The following FUNDC2 variants were observed in gnomAD, a reference collection of about 807,000 sequenced individuals.
FUNDC2 encodes FUN14 domain-containing protein 2.
A neutral mutation model predicts 15.6 loss-of-function variants in FUNDC2; 4 were observed. The observed-to-expected ratio is 0.26, with a 90% CI of 0.13 to 0.59. The LOEUF (loss-of-function observed/expected upper bound fraction) is 0.59, where lower values mean the gene tolerates loss of function less well. Ranked by LOEUF, FUNDC2 falls within the 20% of genes least tolerant of loss-of-function variation. FUNDC2 has a pLI of 0.90. For missense variants in FUNDC2, 98 were observed against 149.7 expected (o/e 0.65, Z 1.80); for synonymous variants, 44 against 56.9 (o/e 0.77, Z 1.02).
intron 3 of FUNDC2, 97 bp from the exon 4 acceptor site, chrX:155,051,573 C>T (rs2073879718): frequency 2.1e-6 from 2 of 951,027 alleles, no homozygotes; most frequent in African/African-American, 3.9e-5. Flanking sequence ...AATGGAAAGT[C>T]AGAGGGTTTC....
At chrX:155,043,589 T>G (rs2073853977) in intron 2 of FUNDC2, among the ~76,000 whole-genome samples, 1 of 112,398 alleles carries the variant, frequency 8.9e-6, no homozygotes, top group Non-Finnish European at 1.9e-5. Flanking sequence ...TATTAGGCTT[T>G]ATTTAAAATG....
rs2124205285 is a variant in FUNDC2 at position 155,057,965 on chromosome X, G to T, written c.*3293G>T. On this transcript the variant is annotated 3_prime_UTR_variant, in exon 5 of 5. Coordinates refer to ENST00000369498, the MANE Select transcript of FUNDC2 (RefSeq NM_023934.4). ...TTGCTGACACGGGAGCTGGGTGCGG[G>T]GAGAGATGTGGTGGTGGGGACCCTT... 9.0e-6 allele frequency: 1 copy of T among 111,297 alleles called. No homozygotes were observed. Among genetic ancestry groups the T allele is most frequent in the African/African-American group, 3.3e-5 (1 of 30,542 alleles). The allele number at this position is 111,297 out of a possible 1,213,427, so 9.2% of individuals were successfully genotyped here.
chrX:155,056,848 G>GA lies in FUNDC2; in HGVS notation c.*2177dup, dbSNP rs2073901651. ...ATCTGTTTTTCCTGTGATTATTGGT[G>GA]AGGGCAGCAAAGATTAGCAGGTGGT... is the stretch of plus-strand genomic sequence containing the variant. On this transcript the variant is annotated 3_prime_UTR_variant, in exon 5 of 5. Transcript: ENST00000369498. 1.8e-5 allele frequency: 2 copies of GA among 111,872 alleles called. No individual in the cohort carries two copies. Among genetic ancestry groups the GA allele is most frequent in the Admixed American group, 1.9e-4 (2 of 10,554 alleles). The allele number at this position is 111,872 out of a possible 1,213,427, so 9.2% of individuals were successfully genotyped here.
chrX:155,045,841 T>C lies in FUNDC2; in HGVS notation c.285-668T>C, dbSNP rs1454129417. Among the ~76,000 whole-genome samples the C allele has an allele frequency of 1.1e-4, 12 of 111,483 alleles. No individual in the cohort carries two copies. The Admixed American group carries it at 1.1e-3, about 11-fold the overall frequency. Reference sequence around the variant, plus strand: ...ACAAAATCTCTGCCTTCATGAAGCTTACATTTTAGTATCGGGTGGGGGCAG... The same window carrying C: ...ACAAAATCTCTGCCTTCATGAAGCTCACATTTTAGTATCGGGTGGGGGCAG... On this transcript the variant is annotated intron_variant, in intron 2 of 4. Coordinates refer to ENST00000369498, the MANE Select transcript of FUNDC2 (RefSeq NM_023934.4).
intron 3 of FUNDC2, 41 bp from the exon 4 acceptor site, chrX:155,051,629 C>G: frequency 8.4e-7 from 1 of 1,190,458 alleles, no homozygotes; most frequent in Non-Finnish European, 1.1e-6. Context: ...AATAACAAAT[C>G]TGTTTCTCAT....
intron 2 of FUNDC2, among the ~76,000 whole-genome samples, chrX:155,034,840 A>G (rs923892275): frequency 3.6e-5 from 4 of 111,760 alleles, no homozygotes; most frequent in Non-Finnish European, 7.5e-5. Context: ...ACTTTTACGT[A>G]TGTTTGTTGA....
At chrX:155,053,769 G>T (rs2073885554) in intron 4 of FUNDC2, 8 of 733,282 alleles carry the variant, frequency 1.1e-5, no homozygotes, top group East Asian at 3.0e-4. Flanking sequence ...TTGAGTTCAA[G>T]AAATGATCAG....
In FUNDC2 at chrX:155,058,580, C is replaced by T. The variant is rs1484500382; in HGVS notation, c.*3908C>T. The T allele has an allele frequency of 9.1e-6, 1 of 109,960 alleles. No homozygotes were observed. Among genetic ancestry groups the T allele is most frequent in the Admixed American group, 9.7e-5 (1 of 10,298 alleles). The allele number at this position is 109,960 out of a possible 1,213,427, so 9.1% of individuals were successfully genotyped here. ...CAGAGAAAAATGTGGCTGCTGCCCT[C>T]TACTCCCTCTACCAAATTATCAGCT... On this transcript the variant is annotated 3_prime_UTR_variant, in exon 5 of 5. Coordinates refer to ENST00000369498, the MANE Select transcript of FUNDC2 (RefSeq NM_023934.4).
Position 155,033,430 on chromosome X carries a change from T to C in FUNDC2, c.161T>C (p.Leu54Pro), listed in dbSNP as rs782059425. 5 of 1,209,288 alleles carry C rather than the reference T, an allele frequency of 4.1e-6. No individual in the cohort carries two copies. The South Asian group carries it at 8.8e-5, about 21-fold the overall frequency. The change falls in exon 2 of 5, where the codon CTG becomes CCG. Residue 54 changes from leucine (L) to proline (P), a missense_variant. By Grantham distance (98) the Leu-to-Pro change is moderately conservative (BLOSUM62 -3). Transcript: ENST00000369498. ...QGNFEGNFES[L>P]DLAEFAKKQP... ...AACTTTGAGGGAAATTTTGAGTCACTGGACCTTGCGGAATTTGCTAAGAAG... is the reference window on the plus strand; with the variant it reads ...AACTTTGAGGGAAATTTTGAGTCACCGGACCTTGCGGAATTTGCTAAGAAG...
chrX:155,054,835 G>A lies in FUNDC2; in HGVS notation c.*163G>A, dbSNP rs2073889207. The stretch of plus-strand genomic sequence containing the variant: ...GCATCTGCTGGTACAAGTCAATGTG[G>A]CACCATGAGCTTCATGGTGGCAGAA... On this transcript the variant is annotated 3_prime_UTR_variant, in exon 5 of 5. Coordinates refer to ENST00000369498, the MANE Select transcript of FUNDC2 (RefSeq NM_023934.4). 2 of 465,889 alleles carry A rather than the reference G, an allele frequency of 4.3e-6. No homozygotes were observed. The highest frequency in any genetic ancestry group is 4.9e-5 in the African/African-American group (2 of 40,984). 38.4% of individuals were successfully genotyped at this position (465,889 alleles called of 1,213,427 possible). A position where few individuals can be genotyped will look rare whatever the true frequency, so the allele number is the denominator to read the frequency against.
chrX:155,051,267 T>C (rs1215205204), intron 3 of FUNDC2: 1 of 125,990 alleles, frequency 7.9e-6, no homozygotes, highest in Middle Eastern at 3.9e-3. Flanking sequence ...AATAACTGCC[T>C]GAATGCTTTG....
chrX:155,039,858 AT>A (rs1251216482), intron 2 of FUNDC2, among the ~76,000 whole-genome samples: 2 of 110,822 alleles, frequency 1.8e-5, no homozygotes, highest in African/African-American at 6.6e-5. Context: ...GAATTTTAGG[AT>A]TTTTTTTCCT....
rs1482627469 is a variant in FUNDC2 at position 155,059,659 on chromosome X, G to A, written c.*4987G>A. On this transcript the variant is annotated 3_prime_UTR_variant, in exon 5 of 5. Coordinates refer to ENST00000369498, the MANE Select transcript of FUNDC2 (RefSeq NM_023934.4). ...ATTAATGTCTTCAAATGGATTTGTT[G>A]ACTTAAACTGACACAATCCTTTAAA... 5 of 111,778 alleles carry A rather than the reference G, an allele frequency of 4.5e-5. No homozygotes were observed. Among genetic ancestry groups the A allele is most frequent in the Non-Finnish European group, 9.4e-5 (5 of 53,109 alleles). The allele number at this position is 111,778 out of a possible 1,213,427, so 9.2% of individuals were successfully genotyped here.
Position 155,053,930 on chromosome X carries a change from G to A in FUNDC2, c.493-665G>A, listed in dbSNP as rs1422076493. ...GGAGATTGGTAGAGCACAGACTAAGGAGCCATAAAGAGTGTCTGAATGTAT... is the reference window on the plus strand; with the variant it reads ...GGAGATTGGTAGAGCACAGACTAAGAAGCCATAAAGAGTGTCTGAATGTAT... On this transcript the variant is annotated intron_variant, in intron 4 of 4. Coordinates refer to ENST00000369498, the MANE Select transcript of FUNDC2 (RefSeq NM_023934.4). The A allele has an allele frequency of 5.3e-6, 4 of 751,478 alleles. No homozygotes were observed. In the African/African-American group the frequency reaches 9.3e-5, roughly 18 times the overall value. 61.9% of individuals were successfully genotyped at this position (751,478 alleles called of 1,213,427 possible).
rs1343083616 is a variant in FUNDC2 at position 155,056,078 on chromosome X, C to G, written c.*1406C>G. 3 of 112,031 alleles carry G rather than the reference C, an allele frequency of 2.7e-5. No homozygotes were observed. The highest frequency in any genetic ancestry group is 9.4e-5 in the Admixed American group (1 of 10,600). The allele number at this position is 112,031 out of a possible 1,213,427, so 9.2% of individuals were successfully genotyped here. A position where few individuals can be genotyped will look rare whatever the true frequency, so the allele number is the denominator to read the frequency against. On this transcript the variant is annotated 3_prime_UTR_variant, in exon 5 of 5. Coordinates refer to ENST00000369498, the MANE Select transcript of FUNDC2 (RefSeq NM_023934.4). ...TTTGCTTGCAATATGTATGAATCATCTCAAAACCATAATGGTATGAGCCTC... is the reference window on the plus strand; with the variant it reads ...TTTGCTTGCAATATGTATGAATCATGTCAAAACCATAATGGTATGAGCCTC...
At chrX:155,051,475 T>TAG (rs1466910219) in intron 3 of FUNDC2, 195 bp from the exon 4 acceptor site, 1 of 421,047 alleles carries the variant, frequency 2.4e-6, no homozygotes, top group Non-Finnish European at 4.2e-6. Context: ...TAGTTATTTC[T>TAG]AGTGCCAGGC....
intron 2 of FUNDC2, among the ~76,000 whole-genome samples, chrX:155,034,297 CTTTT>C (rs1219012488): frequency 8.9e-6 from 1 of 112,518 alleles, no homozygotes; most frequent in Admixed American, 9.4e-5. Context: ...AGTATGTATT[CTTTT>C]GAGTCTTGCT....
At chrX:155,030,923 G>A (rs1186329936) in intron 1 of FUNDC2, among the ~76,000 whole-genome samples, 1 of 110,735 alleles carries the variant, frequency 9.0e-6, no homozygotes, top group Non-Finnish European at 1.9e-5. Context: ...CTGACCTCAG[G>A]TGATCCACCC....
At chrX:155,052,199 A>G (rs184048030) in intron 4 of FUNDC2, among the ~76,000 whole-genome samples, 2,010 of 111,165 alleles carry the variant, frequency 0.018, 41 homozygotes, top group African/African-American at 0.063. Context: ...ACTCCACTGT[A>G]TATCATCAAA....
Sources: allele counts gnomAD v4.1 joint callset (sites outside exome capture counted in the v4.1 genomes callset), GRCh38; gene constraint gnomAD v4.1.1; transcripts MANE v1.5; gene names NCBI Gene and HGNC (gene_info 2026-07-23, HGNC 2026-07-21).